FANCB: variants seen among roughly 807,000 people sequenced by gnomAD.
FANCB encodes FA complementation group B.
A neutral mutation model predicts 38.9 loss-of-function variants in FANCB; 5 were observed. That is an observed-to-expected ratio of 0.13 (90% CI 0.07 to 0.27). The LOEUF (loss-of-function observed/expected upper bound fraction) is 0.27, where lower values mean the gene tolerates loss of function less well. FANCB is among the 10% of genes least tolerant of loss of function. FANCB has a pLI of 1.00. For missense variants in FANCB, 573 were observed against 602.7 expected (o/e 0.95, Z 0.52); for synonymous variants, 236 against 215.4 (o/e 1.10, Z -0.84).
At chrX:14,706,269 A>ACATGCTTT in the FANCB span, among the ~76,000 whole-genome samples, 355 of 111,693 alleles carry the variant, frequency 3.2e-3, 1 homozygote, top group African/African-American at 0.011. Flanking sequence ...TGGAATCAAA[A>ACATGCTTT]ATAACAGGAT....
At chrX:14,692,309 GTTTC>G in the FANCB span, among the ~76,000 whole-genome samples, 2 of 112,191 alleles carry the variant, frequency 1.8e-5, no homozygotes, top group African/African-American at 6.5e-5. Flanking sequence ...TGGTGCTAAC[GTTTC>G]TTTAATCACA....
the FANCB span, among the ~76,000 whole-genome samples, chrX:14,758,452 A>T: frequency 9.0e-6 from 1 of 111,398 alleles, no homozygotes; most frequent in Non-Finnish European, 1.9e-5. Flanking sequence ...ACAACCAAGG[A>T]CCCTCACAGA....
chrX:14,804,712 C>T, the FANCB span, among the ~76,000 whole-genome samples: 1 of 111,924 alleles, frequency 8.9e-6, no homozygotes, highest in South Asian at 3.7e-4. Flanking sequence ...CTTAGTACAT[C>T]TTCTACCTTC....
intron 6 of FANCB, among the ~76,000 whole-genome samples, chrX:14,851,418 T>G (rs1019062202): frequency 1.8e-5 from 2 of 111,784 alleles, no homozygotes; most frequent in African/African-American, 6.5e-5. Context: ...AGGCTGGGAT[T>G]TGAACTGAAG....
chrX:14,775,130 C>A, the FANCB span, among the ~76,000 whole-genome samples: 4 of 106,008 alleles, frequency 3.8e-5, no homozygotes, highest in Non-Finnish European at 7.8e-5. Flanking sequence ...CCGCACCCGG[C>A]CTCCACTCTG....
At chrX:14,689,691 C>A in the FANCB span, among the ~76,000 whole-genome samples, 9 of 112,106 alleles carry the variant, frequency 8.0e-5, no homozygotes, top group Non-Finnish European at 1.3e-4. Flanking sequence ...AAGCACTTGA[C>A]AGCTATCAAA....
the FANCB span, among the ~76,000 whole-genome samples, chrX:14,827,211 C>G: frequency 3.6e-5 from 4 of 111,632 alleles, no homozygotes; most frequent in Non-Finnish European, 7.5e-5. Flanking sequence ...CATAGCTTTT[C>G]TGGCTTGCAA....
At chrX:14,744,241 C>T in the FANCB span, among the ~76,000 whole-genome samples, 3 of 111,776 alleles carry the variant, frequency 2.7e-5, no homozygotes, top group Non-Finnish European at 5.6e-5. Context: ...AGCCTTTAAG[C>T]GATGGTTCCA....
At chrX:14,834,778 T>C (rs1311028976), downstream of FANCB, 1 of 587,679 alleles carries the variant, frequency 1.7e-6, no homozygotes, top group Admixed American at 2.3e-5. Flanking sequence ...ATAGATTTCT[T>C]CACTGGTGCT....
chrX:14,690,679 G>C, the FANCB span: 1,665 of 719,310 alleles, frequency 2.3e-3, 19 homozygotes, highest in African/African-American at 0.03. Context: ...CTCTCTCTCT[G>C]TGTGTGTGTG....
intron 7 of FANCB, among the ~76,000 whole-genome samples, chrX:14,845,910 G>C (rs1468429091): frequency 9.0e-6 from 1 of 111,628 alleles, no homozygotes; most frequent in Non-Finnish European, 1.9e-5. Flanking sequence ...AGTTTATCAA[G>C]TAAAACAGGT....
chrX:14,852,978 T>G, intron 6 of FANCB, 61 bp downstream of exon 6: 1 of 1,062,978 alleles, frequency 9.4e-7, no homozygotes, highest in South Asian at 2.0e-5. Flanking sequence ...TAAATAACTT[T>G]TCAATAGCTT....
At chrX:14,806,028 CAT>C in the FANCB span, among the ~76,000 whole-genome samples, 1 of 112,346 alleles carries the variant, frequency 8.9e-6, no homozygotes, top group Non-Finnish European at 1.9e-5. Flanking sequence ...TCTGAAAACA[CAT>C]GTTTCCAAAG....
downstream of FANCB, among the ~76,000 whole-genome samples, chrX:14,832,617 T>C (rs999995815): frequency 2.7e-5 from 3 of 111,971 alleles, no homozygotes; most frequent in African/African-American, 9.7e-5. Context: ...CAACTGGCCA[T>C]AGATATTAGT....
the FANCB span, among the ~76,000 whole-genome samples, chrX:14,749,597 T>C: frequency 8.9e-5 from 10 of 111,994 alleles, no homozygotes; most frequent in Admixed American, 5.7e-4. Flanking sequence ...AAAGTAATAA[T>C]TTATTTGAAT....
the FANCB span, among the ~76,000 whole-genome samples, chrX:14,763,171 C>T: frequency 8.9e-6 from 1 of 111,870 alleles, no homozygotes; most frequent in African/African-American, 3.3e-5. Context: ...CTATGACCCA[C>T]TTCCACTCCT....
the FANCB span, among the ~76,000 whole-genome samples, chrX:14,781,603 C>G: frequency 1.8e-5 from 2 of 111,294 alleles, no homozygotes; most frequent in Non-Finnish European, 3.8e-5. Flanking sequence ...AAACCTCCCT[C>G]TGCTTTGGCA....
intron 7 of FANCB, 70 bp downstream of exon 7, chrX:14,850,435 A>T: frequency 1.2e-6 from 1 of 837,732 alleles, no homozygotes; most frequent in Non-Finnish European, 1.8e-6. Context: ...CACGTGGCTT[A>T]CATTAATTTC....
the FANCB span, among the ~76,000 whole-genome samples, chrX:14,719,805 C>A: frequency 1.8e-5 from 2 of 111,968 alleles, no homozygotes; most frequent in African/African-American, 6.5e-5. Flanking sequence ...CATACATATC[C>A]ATCAACAGAT....
Sources: allele counts gnomAD v4.1 joint callset (sites outside exome capture counted in the v4.1 genomes callset), GRCh38; gene constraint gnomAD v4.1.1; transcripts MANE v1.5; gene names NCBI Gene and HGNC (gene_info 2026-07-23, HGNC 2026-07-21).